Variants in ZNF12 observed in about 807,000 individuals in gnomAD.
ZNF12 encodes the protein gonadotropin inducible transcription repressor 3.
In ZNF12, 34 loss-of-function variants were observed where a neutral mutation model predicts 66.6. That is an observed-to-expected ratio of 0.51 (90% CI 0.39 to 0.68). The LOEUF (loss-of-function observed/expected upper bound fraction) is 0.68. Ranked by LOEUF, ZNF12 falls within the 30% of genes least tolerant of loss-of-function variation. The probability of loss-of-function intolerance (pLI) is 0.00; values close to 1 mark genes in which losing one functional copy is unlikely to be tolerated. For missense variants in ZNF12, 697 were observed against 826.9 expected (o/e 0.84, Z 1.93); for synonymous variants, 320 against 278.9 (o/e 1.15, Z -1.47).
rs763992129 is a variant in ZNF12 at position 6,692,423 on chromosome 7, T to C, written c.519A>G (p.Lys173=). ...TCTCAAGCTTAATATGGAGGAGTGA[T>C]TTCCCACATCCACTACATTCATCAG... The part of the protein sequence containing the change: ...MKADECSGCG[K]SLLHIKLEKT... Residue 173 remains lysine, a synonymous_variant, in exon 5 of 5, where the codon AAA becomes AAG. Transcript: ENST00000405858. This position sits in a 1 kb window ranked among gnomAD's most constrained non-coding sequence, Gnocchi z 5.1. The C allele has an allele frequency of 1.2e-6, 2 of 1,613,336 alleles. No individual in the cohort carries two copies. The highest frequency in any genetic ancestry group is 1.7e-5 in the Admixed American group (1 of 59,978).
intron 2 of ZNF12, among the ~76,000 whole-genome samples, chr7:6,700,517 G>C (rs970570293): frequency 6.6e-6 from 1 of 152,022 alleles, no homozygotes; most frequent in African/African-American, 2.4e-5. Flanking sequence ...CATTAGCTAG[G>C]AGAGTCCTCT....
rs184402177 is a variant in ZNF12 at position 6,690,591 on chromosome 7, C to T, written c.*257G>A. 4 of 349,096 alleles carry T rather than the reference C, an allele frequency of 1.1e-5. No homozygotes were observed. In the Admixed American group the frequency reaches 1.7e-4, roughly 15 times the overall value. The allele number at this position is 349,096 out of a possible 1,614,324, so 21.6% of individuals were successfully genotyped here. A position where few individuals can be genotyped will look rare whatever the true frequency, so the allele number is the denominator to read the frequency against. On this transcript the variant is annotated 3_prime_UTR_variant, in exon 5 of 5. Coordinates refer to ENST00000405858, the MANE Select transcript of ZNF12 (RefSeq NM_016265.4). ...ATTTCCCTGATATGCAAAACAGTTCCAATCCATGGTGACATGTATATACAT... is the reference window on the plus strand; with the variant it reads ...ATTTCCCTGATATGCAAAACAGTTCTAATCCATGGTGACATGTATATACAT...
intron 2 of ZNF12, chr7:6,704,013 C>T (rs1780304430): frequency 6.6e-6 from 1 of 152,170 alleles, no homozygotes; most frequent in African/African-American, 2.4e-5. Flanking sequence ...GCTGTGCAAC[C>T]CAGATAAACT....
chr7:6,693,210 T>C (rs529123310), intron 4 of ZNF12, among the ~76,000 whole-genome samples: 1 of 152,356 alleles, frequency 6.6e-6, no homozygotes, highest in Admixed American at 6.5e-5. Flanking sequence ...TAGCACTGTA[T>C]ACTAAGATTT....
rs1780044057 is a variant in ZNF12 at position 6,690,231 on chromosome 7, A to AAGTT, written c.*616_*617insAACT. The AAGTT allele has an allele frequency of 1.3e-5, 2 of 151,786 alleles. No individual in the cohort carries two copies. Among genetic ancestry groups the AAGTT allele is most frequent in the South Asian group, 4.1e-4 (2 of 4,830 alleles). 9.4% of individuals were successfully genotyped at this position (151,786 alleles called of 1,614,324 possible). Reference sequence around the variant, plus strand: ...GAATACTCTTACTATATGAATTACAAAATAAGGATACAACGTTTTTTCAAA... The same window carrying AAGTT: ...GAATACTCTTACTATATGAATTACAAAGTTAATAAGGATACAACGTTTTTTCAAA... On this transcript the variant is annotated 3_prime_UTR_variant, in exon 5 of 5. Coordinates refer to ENST00000405858, the MANE Select transcript of ZNF12 (RefSeq NM_016265.4).
chr7:6,690,565 G>A lies in ZNF12; in HGVS notation c.*283C>T. 3.5e-6 allele frequency: 1 copy of A among 283,920 alleles called. No homozygotes were observed. The allele number at this position is 283,920 out of a possible 1,614,324, so 17.6% of individuals were successfully genotyped here. ...TACTGATAGATTTCCCCTTGGCTATGATTTCCCTGATATGCAAAACAGTTC... is the reference window on the plus strand; with the variant it reads ...TACTGATAGATTTCCCCTTGGCTATAATTTCCCTGATATGCAAAACAGTTC... On this transcript the variant is annotated 3_prime_UTR_variant, in exon 5 of 5. Coordinates refer to ENST00000405858, the MANE Select transcript of ZNF12 (RefSeq NM_016265.4).
chr7:6,692,174 G>T lies in ZNF12; in HGVS notation c.768C>A (p.Leu256=). ...CCATATGAGATGTCTGATGTACAGT[G>T]AGGTCCGACATCTGGAGAAAGGCTA... The part of the protein sequence containing the change: ...SEIAFLQMSD[L]TVHQTSHMEM... The change falls in exon 5 of 5, where the codon CTC becomes CTA. Residue 256 remains leucine (L), a synonymous_variant. Transcript: ENST00000405858. This position sits in a 1 kb window ranked among gnomAD's most constrained non-coding sequence, Gnocchi z 5.1. 1 of 1,614,110 alleles carries T rather than the reference G, an allele frequency of 6.2e-7. No individual in the cohort carries two copies. The highest frequency in any genetic ancestry group is 8.5e-7 in the Non-Finnish European group (1 of 1,179,978).
At position 6,705,042 on chromosome 7, in the gene ZNF12, C is replaced by G. The variant is rs138045607; in HGVS notation, c.15+117G>C. The G allele has an allele frequency of 2.1e-5, 26 of 1,261,972 alleles. No homozygotes were observed. The African/African-American group carries it at 3.8e-4, about 18-fold the overall frequency. 78.2% of individuals were successfully genotyped at this position (1,261,972 alleles called of 1,614,324 possible). On this transcript the variant is annotated intron_variant, in intron 2 of 4. Coordinates refer to ENST00000405858, the MANE Select transcript of ZNF12 (RefSeq NM_016265.4). The surrounding 1 kb of genome is among the most constrained non-coding windows in gnomAD (Gnocchi z 4.0). ...TTGGTGCTGATGGCTACTGTTCTGT[C>G]TGACCAAATCTTGTATCTATTTCTA... is the stretch of plus-strand genomic sequence containing the variant.
At chr7:6,694,600 G>A (rs1431847960) in intron 4 of ZNF12, among the ~76,000 whole-genome samples, 3 of 152,136 alleles carry the variant, frequency 2.0e-5, no homozygotes, top group Non-Finnish European at 2.9e-5. Context: ...GGGAGAGATA[G>A]GTCATGATCT....
rs1238390845 is a variant in ZNF12 at position 6,706,420 on chromosome 7, C to G, written c.-51+12G>C. On this transcript the variant is annotated intron_variant, in intron 1 of 4. Transcript: ENST00000405858. ...GCCCTTCTCGCCCCGGGCCCGCAAACCCACGACTTACCCTCCTGGGGCTCC... is the reference window on the plus strand; with the variant it reads ...GCCCTTCTCGCCCCGGGCCCGCAAAGCCACGACTTACCCTCCTGGGGCTCC... 2 of 473,170 alleles carry G rather than the reference C, an allele frequency of 4.2e-6. No individual in the cohort carries two copies. The highest frequency in any genetic ancestry group is 4.0e-5 in the African/African-American group (2 of 50,582). 29.3% of individuals were successfully genotyped at this position (473,170 alleles called of 1,614,324 possible).
chr7:6,705,719 AAAACAAAC>A lies in ZNF12; in HGVS notation c.-50-504_-50-497del, dbSNP rs886643608. ...GGGCAACAAAGCGAAACTTGTCTCA[AAAACAAAC>A]AAACAAACAAACAAAAAACAAACAA... On this transcript the variant is annotated intron_variant, in intron 1 of 4. Transcript: ENST00000405858. This position sits in a 1 kb window ranked among gnomAD's most constrained non-coding sequence, Gnocchi z 4.0. 2.6e-5 allele frequency among the ~76,000 whole-genome samples: 4 copies of A among 152,026 alleles called. No homozygotes were observed. The highest frequency in any genetic ancestry group is 2.1e-4 in the South Asian group (1 of 4,826).
intron 2 of ZNF12, among the ~76,000 whole-genome samples, chr7:6,702,303 A>AAC (rs35642461): frequency 0.038 from 4,633 of 122,884 alleles, 154 homozygotes; most frequent in Non-Finnish European, 0.058. Flanking sequence ...AAACTCCACA[A>AAC]ACACACACAC....
chr7:6,692,756 A>T lies in ZNF12; in HGVS notation c.239-53T>A. ...TTGTACATCTTCCTATATATATATG[A>T]TATGGAATGAGATTCATGATTTGTA... On this transcript the variant is annotated intron_variant, in intron 4 of 4. Transcript: ENST00000405858. The surrounding 1 kb of genome is among the most constrained non-coding windows in gnomAD (Gnocchi z 5.1). 6.8e-7 allele frequency: 1 copy of T among 1,472,146 alleles called. No homozygotes were observed. Among genetic ancestry groups the T allele is most frequent in the South Asian group, 1.4e-5 (1 of 70,716 alleles). 91.2% of individuals were successfully genotyped at this position (1,472,146 alleles called of 1,614,324 possible).
Position 6,691,565 on chromosome 7 carries a change from A to G in ZNF12, c.1377T>C (p.His459=), listed in dbSNP as rs1337392674. The part of the protein sequence containing the change: ...LSYLTVHYRT[H]SGEKPYECNE... ...TACATTCATAGGGTTTCTCTCCTGA[A>G]TGAGTTCTATAATGTACAGTGAGAT... Residue 459 remains histidine (H), a synonymous_variant, in exon 5 of 5, where the codon CAT becomes CAC. Transcript: ENST00000405858. 2.5e-6 allele frequency: 4 copies of G among 1,613,494 alleles called. No individual in the cohort carries two copies. Among genetic ancestry groups the G allele is most frequent in the Non-Finnish European group, 2.5e-6 (3 of 1,179,848 alleles).
At position 6,692,584 on chromosome 7, in the gene ZNF12, T is replaced by G; in HGVS notation, c.358A>C (p.Thr120Pro). 6.2e-7 allele frequency: 1 copy of G among 1,613,848 alleles called. No homozygotes were observed. Among genetic ancestry groups the G allele is most frequent in the Non-Finnish European group, 8.5e-7 (1 of 1,179,824 alleles). ...IEERGNVPGK[T>P]FDVETNPVPS... ...ACAGGGTTCGTTTCTACATCAAAAGTTTTACCAGGAACATTACCTCTCTCT... is the reference window on the plus strand; with the variant it reads ...ACAGGGTTCGTTTCTACATCAAAAGGTTTACCAGGAACATTACCTCTCTCT... The change falls in exon 5 of 5, where the codon ACT (threonine) becomes CCT (proline). Residue 120 changes from threonine to proline, a missense_variant. Around this residue, in one of 3 missense-constraint regions of ZNF12, gnomAD observed 241 missense variants for 224.0 expected, o/e 1.08. Coordinates refer to ENST00000405858, the MANE Select transcript of ZNF12 (RefSeq NM_016265.4). The surrounding 1 kb of genome is among the most constrained non-coding windows in gnomAD (Gnocchi z 5.1).
chr7:6,696,682 G>A lies in ZNF12; in HGVS notation c.238+657C>T, dbSNP rs1284100191. The stretch of plus-strand genomic sequence containing the variant: ...ATGATACTTACTAAGCACCTGCCAT[G>A]ACAGGGTATCATTCAAGGCATTGGG... On this transcript the variant is annotated intron_variant, in intron 4 of 4. Transcript: ENST00000405858. The surrounding 1 kb of genome is among the most constrained non-coding windows in gnomAD (Gnocchi z 4.0). Among the ~76,000 whole-genome samples the A allele has an allele frequency of 6.6e-6, 1 of 152,176 alleles. No homozygotes were observed. Among genetic ancestry groups the A allele is most frequent in the African/African-American group, 2.4e-5 (1 of 41,446 alleles).
intron 4 of ZNF12, among the ~76,000 whole-genome samples, chr7:6,694,094 G>A (rs957600202): frequency 6.6e-6 from 1 of 151,944 alleles, no homozygotes; most frequent in Non-Finnish European, 1.5e-5. Flanking sequence ...TTGAACCCGG[G>A]AGGTGGAGGT....
intron 2 of ZNF12, among the ~76,000 whole-genome samples, chr7:6,703,049 CA>C (rs1780282458): frequency 6.6e-6 from 1 of 151,540 alleles, no homozygotes; most frequent in African/African-American, 2.4e-5. Flanking sequence ...TACACACACA[CA>C]CACACACACA....
chr7:6,697,325 CT>C lies in ZNF12; in HGVS notation c.238+13del. 1.9e-6 allele frequency: 3 copies of C among 1,592,552 alleles called. No individual in the cohort carries two copies. Among genetic ancestry groups the C allele is most frequent in the Non-Finnish European group, 2.6e-6 (3 of 1,167,358 alleles). ...CCCAAGTTACCGATCTCCTCACTGCCTCCACTAACACACCTGGATAGCTCTG... is the reference window on the plus strand; with the variant it reads ...CCCAAGTTACCGATCTCCTCACTGCCCCACTAACACACCTGGATAGCTCTG... On this transcript the variant is annotated intron_variant, in intron 4 of 4. Transcript: ENST00000405858. This position sits in a 1 kb window ranked among gnomAD's most constrained non-coding sequence, Gnocchi z 6.1.
Sources: gnomAD v4.1 joint callset for allele counts (sites outside exome capture counted in the v4.1 genomes callset) on GRCh38, gnomAD v4.1.1 for gene constraint, gnomAD v4.1.1 regional missense constraint, Gnocchi (gnomAD v3.1) non-coding constraint, MANE v1.5 for transcripts, NCBI Gene and HGNC (gene_info 2026-07-23, HGNC 2026-07-21) for gene names.